Variants in GALNT14 observed in about 807,000 individuals in gnomAD.
GALNT14 encodes the protein UDP-GalNAc:polypeptide N-acetylgalactosaminyltransferase 14.
GALNT14 carries 60 observed loss-of-function variants against 77.5 expected under a neutral mutation model. The observed-to-expected ratio is 0.77, with a 90% confidence interval of 0.63 to 0.96. GALNT14 has a LOEUF of 0.96. Among genes scored for constraint, GALNT14 ranks in the 40% least tolerant of loss-of-function variants. The probability of loss-of-function intolerance (pLI) is 0.00; values close to 1 mark genes in which losing one functional copy is unlikely to be tolerated. For synonymous variants in GALNT14, 280 were observed against 281.7 expected, an observed-to-expected ratio of 0.99 and a Z score of 0.06; for missense variants, 710 against 731.0, an observed-to-expected ratio of 0.97 and a Z score of 0.33.
intron 3 of GALNT14, among the ~76,000 whole-genome samples, chr2:30,959,046 C>T (rs1474047534): frequency 3.9e-5 from 6 of 152,144 alleles, no homozygotes; most frequent in African/African-American, 1.4e-4. Flanking sequence ...TCCCCACCTC[C>T]CATGCCCAGT....
chr2:30,980,777 G>A (rs575221016), intron 2 of GALNT14, among the ~76,000 whole-genome samples: 15 of 152,356 alleles, frequency 9.8e-5, no homozygotes, highest in African/African-American at 3.6e-4. Context: ...ACTTCGTGAA[G>A]TCCTATAGAA....
chr2:30,961,934 C>A (rs1667716919), intron 3 of GALNT14, among the ~76,000 whole-genome samples: 1 of 152,064 alleles, frequency 6.6e-6, no homozygotes, highest in Non-Finnish European at 1.5e-5. Context: ...ATCAGGTGAT[C>A]TGCACACCTT....
At chr2:30,904,966 G>T in the GALNT14 span, among the ~76,000 whole-genome samples, 8 of 151,772 alleles carry the variant, frequency 5.3e-5, no homozygotes, top group Non-Finnish European at 7.4e-5. Context: ...CACCTCACAC[G>T]GCAGGGTATT....
intron 1 of GALNT14, among the ~76,000 whole-genome samples, chr2:31,120,085 G>A (rs1169919358): frequency 1.3e-5 from 1 of 77,298 alleles, no homozygotes; most frequent in African/African-American, 3.3e-5. Context: ...GAACCCGGGA[G>A]GCGGAGCTTG....
At chr2:30,992,054 T>C (rs1669734948) in intron 2 of GALNT14, among the ~76,000 whole-genome samples, 7 of 152,192 alleles carry the variant, frequency 4.6e-5, no homozygotes. Context: ...CACAGGTCTT[T>C]GGCATTTCTG....
intron 1 of GALNT14, chr2:31,132,658 C>A (rs764329253): frequency 4.3e-6 from 2 of 464,338 alleles, no homozygotes; most frequent in South Asian, 3.2e-5. Flanking sequence ...CTTCTAACTT[C>A]CAAGCTGTCT....
intron 1 of GALNT14, among the ~76,000 whole-genome samples, chr2:31,004,047 T>C (rs1468364738): frequency 6.6e-6 from 1 of 152,246 alleles, no homozygotes; most frequent in African/African-American, 2.4e-5. Flanking sequence ...CCTGGATTGC[T>C]AGTCACTTGT....
Position 31,047,909 on chromosome 2 carries a change from G to A in GALNT14, c.130-54902C>T, listed in dbSNP as rs371657118. The stretch of plus-strand genomic sequence containing the variant: ...CACCAGGAGCTGTGGGGTGGGCACC[G>A]AAGCTGGCCCACCTTCCTTCAACTC... On this transcript the variant is annotated intron_variant, in intron 1 of 14. Coordinates refer to ENST00000349752, the MANE Select transcript of GALNT14 (RefSeq NM_024572.4). 1.1e-3 allele frequency among the ~76,000 whole-genome samples: 164 copies of A among 152,354 alleles called. 4 individuals are homozygous for A. The South Asian group carries it at 0.021, about 20-fold the overall frequency.
chr2:31,046,257 C>T lies in GALNT14; in HGVS notation c.130-53250G>A, dbSNP rs949397786. On this transcript the variant is annotated intron_variant, in intron 1 of 14. Transcript: ENST00000349752. ...TTTTTTTTTTTTTGAGATGGAGTCT[C>T]GCTCTGTCGCCCAGGCTGGAGTGCA... is the stretch of plus-strand genomic sequence containing the variant. Among the ~76,000 whole-genome samples, 250 of 146,426 alleles carry T rather than the reference C, an allele frequency of 1.7e-3. 3 individuals are homozygous for T. Among genetic ancestry groups the T allele is most frequent in the African/African-American group, 6.0e-3 (236 of 39,386 alleles).
chr2:30,908,900 C>G (rs1440452094), downstream of GALNT14, among the ~76,000 whole-genome samples: 1 of 149,862 alleles, frequency 6.7e-6, no homozygotes, highest in Non-Finnish European at 1.5e-5. Flanking sequence ...TCAGAAATAA[C>G]GCCGCATATC....
intron 11 of GALNT14, among the ~76,000 whole-genome samples, chr2:30,928,199 G>A (rs76763434): frequency 0.025 from 3,803 of 152,156 alleles, 181 homozygotes; most frequent in African/African-American, 0.085. Context: ...CATTTTGGTG[G>A]GTTCTGATTT....
At chr2:31,057,317 A>ATAT (rs397942079) in intron 1 of GALNT14, among the ~76,000 whole-genome samples, 3 of 139,754 alleles carry the variant, frequency 2.1e-5, no homozygotes, top group Admixed American at 7.2e-5. Flanking sequence ...ATATATATAT[A>ATAT]AAATTATATA....
chr2:31,110,079 C>T (rs1184358166), intron 1 of GALNT14, among the ~76,000 whole-genome samples: 1 of 152,116 alleles, frequency 6.6e-6, no homozygotes, highest in African/African-American at 2.4e-5. Flanking sequence ...TCGTTAAAAA[C>T]AAATCCATTC....
At chr2:30,892,871 G>C in the GALNT14 span, among the ~76,000 whole-genome samples, 1 of 152,152 alleles carries the variant, frequency 6.6e-6, no homozygotes, top group Non-Finnish European at 1.5e-5. Context: ...TAACTTGTTA[G>C]CTTATACATA....
intron 1 of GALNT14, among the ~76,000 whole-genome samples, chr2:31,056,957 G>A (rs1037730921): frequency 6.6e-6 from 1 of 152,136 alleles, no homozygotes; most frequent in Non-Finnish European, 1.5e-5. Context: ...GCCATAAAAA[G>A]AATGAAATCA....
chr2:30,890,262 G>A, the GALNT14 span, among the ~76,000 whole-genome samples: 5 of 152,176 alleles, frequency 3.3e-5, no homozygotes, highest in Admixed American at 3.3e-4. Flanking sequence ...TCCTCCCAGA[G>A]GAGAGAGCTG....
chr2:30,976,146 A>T (rs1668612040), intron 2 of GALNT14, among the ~76,000 whole-genome samples: 1 of 151,618 alleles, frequency 6.6e-6, no homozygotes, highest in Non-Finnish European at 1.5e-5. Context: ...GACATCTCCC[A>T]CTCTTTGTTC....
At chr2:30,900,776 A>G in the GALNT14 span, among the ~76,000 whole-genome samples, 1 of 152,246 alleles carries the variant, frequency 6.6e-6, no homozygotes, top group East Asian at 1.9e-4. Flanking sequence ...ATGAGCGCTG[A>G]AGGGGAATTG....
chr2:31,067,000 C>G (rs985427409), intron 1 of GALNT14, among the ~76,000 whole-genome samples: 2 of 152,200 alleles, frequency 1.3e-5, no homozygotes, highest in Non-Finnish European at 2.9e-5. Flanking sequence ...TCTGTAACAC[C>G]AGTGACACAG....
Sources: gnomAD v4.1 joint callset for allele counts (sites outside exome capture counted in the v4.1 genomes callset) on GRCh38, gnomAD v4.1.1 for gene constraint, MANE v1.5 for transcripts, NCBI Gene and HGNC (gene_info 2026-07-23, HGNC 2026-07-21) for gene names.